CFAP47: variants seen among roughly 807,000 people sequenced by gnomAD.
The protein encoded by CFAP47 is cilia- and flagella-associated protein 47.
A neutral mutation model predicts 148.1 loss-of-function variants in CFAP47; 29 were observed. The observed-to-expected ratio is 0.20, with a 90% confidence interval of 0.15 to 0.27. The LOEUF (loss-of-function observed/expected upper bound fraction) is 0.27. Ranked by LOEUF, CFAP47 falls within the 10% of genes least tolerant of loss-of-function variation. The pLI, the probability that CFAP47 is intolerant of heterozygous loss-of-function variation, is 1.00. For missense variants in CFAP47, 1,872 were observed against 1,697.5 expected, an observed-to-expected ratio of 1.10 and a Z score of -1.81; for synonymous variants, 664 against 577.3, an observed-to-expected ratio of 1.15 and a Z score of -2.15.
At chrX:36,156,572 T>G (rs970141164) in intron 37 of CFAP47, among the ~76,000 whole-genome samples, 1 of 110,932 alleles carries the variant, frequency 9.0e-6, no homozygotes, top group Admixed American at 9.7e-5. Flanking sequence ...ATTCTCCATC[T>G]ATTCCAAAGG....
chrX:36,319,437 A>C (rs1274903978), intron 57 of CFAP47, 130 bp downstream of exon 57: 11 of 223,446 alleles, frequency 4.9e-5, no homozygotes, highest in Non-Finnish European at 8.7e-5. Context: ...TTTTGGAACA[A>C]ATTTTAGTAA....
At chrX:35,925,985 T>C in intron 1 of CFAP47, 32 bp from the exon 2 acceptor site, 1 of 1,148,798 alleles carries the variant, frequency 8.7e-7, no homozygotes. Context: ...GGAGTTAAAA[T>C]GTATAATTTG....
chrX:36,302,473 A>G (rs1941306851), intron 53 of CFAP47, among the ~76,000 whole-genome samples: 1 of 111,930 alleles, frequency 8.9e-6, no homozygotes, highest in South Asian at 3.7e-4. Context: ...GTGAAAAACA[A>G]TATATGTATG....
chrX:36,185,319 C>T (rs1318265204), intron 40 of CFAP47, among the ~76,000 whole-genome samples: 1 of 110,196 alleles, frequency 9.1e-6, no homozygotes, highest in Non-Finnish European at 1.9e-5. Context: ...GAGAGGTCTT[C>T]ACCTCTCAAA....
chrX:36,099,699 G>T, intron 31 of CFAP47, 52 bp from the exon 32 acceptor site: 1 of 536,468 alleles, frequency 1.9e-6, no homozygotes, highest in Non-Finnish European at 3.0e-6. Flanking sequence ...AAACTCATAT[G>T]CTAAATTTGC....
At chrX:36,100,801 T>C (rs1394718844) in intron 32 of CFAP47, among the ~76,000 whole-genome samples, 1 of 112,120 alleles carries the variant, frequency 8.9e-6, no homozygotes, top group Admixed American at 9.4e-5. Flanking sequence ...ATCATCAATT[T>C]AGCAATGAAG....
intron 59 of CFAP47, among the ~76,000 whole-genome samples, chrX:36,352,950 A>G (rs951134481): frequency 9.2e-6 from 1 of 108,710 alleles, no homozygotes; most frequent in African/African-American, 3.3e-5. Context: ...TAATTTTTAT[A>G]AACTTAAAAG....
chrX:35,920,541 C>T (rs187707574), intron 1 of CFAP47, among the ~76,000 whole-genome samples: 73 of 111,770 alleles, frequency 6.5e-4, no homozygotes, highest in African/African-American at 2.2e-3. Flanking sequence ...GGAATGGACA[C>T]AGCCCTGCCC....
At chrX:35,967,578 T>G (rs1258230622) in intron 9 of CFAP47, 41 bp from the exon 10 acceptor site, 2 of 1,022,159 alleles carry the variant, frequency 2.0e-6, no homozygotes, top group South Asian at 4.1e-5. Context: ...AAGTTGAAAT[T>G]AAAAATACCA....
chrX:36,297,959 TG>T (rs1411857159), intron 51 of CFAP47, among the ~76,000 whole-genome samples: 1 of 110,396 alleles, frequency 9.1e-6, no homozygotes, highest in African/African-American at 3.3e-5. Context: ...ACACTGTTGG[TG>T]GGACTGTAAA....
At chrX:35,929,736 C>T (rs779775897) in intron 2 of CFAP47, among the ~76,000 whole-genome samples, 18 of 111,125 alleles carry the variant, frequency 1.6e-4, no homozygotes, top group South Asian at 3.8e-4. Context: ...TGGTGGCTCA[C>T]GCTTGTAATC....
At chrX:35,967,245 A>T (rs770985365) in intron 9 of CFAP47, among the ~76,000 whole-genome samples, 1 of 110,631 alleles carries the variant, frequency 9.0e-6, no homozygotes, top group South Asian at 3.8e-4. Context: ...AAACTTTTTG[A>T]CTATTCTATG....
At chrX:36,132,357 G>T (rs1007677738) in intron 33 of CFAP47, among the ~76,000 whole-genome samples, 1 of 111,780 alleles carries the variant, frequency 8.9e-6, no homozygotes, top group African/African-American at 3.2e-5. Flanking sequence ...TCCAAAAAAA[G>T]ACAACCATTG....
intron 21 of CFAP47, among the ~76,000 whole-genome samples, chrX:36,010,460 T>C (rs996556492): frequency 1.9e-5 from 2 of 106,674 alleles, no homozygotes; most frequent in African/African-American, 7.0e-5. Context: ...TAAAGTTTTG[T>C]CGTTTTTTTT....
intron 47 of CFAP47, among the ~76,000 whole-genome samples, chrX:36,236,378 C>T (rs1211310291): frequency 1.8e-5 from 2 of 111,754 alleles, no homozygotes; most frequent in African/African-American, 6.5e-5. Flanking sequence ...ATTGGTGTAT[C>T]AGAAAATACT....
intron 49 of CFAP47, among the ~76,000 whole-genome samples, chrX:36,276,493 G>A (rs1021500408): frequency 9.0e-6 from 1 of 111,729 alleles, no homozygotes; most frequent in Non-Finnish European, 1.9e-5. Flanking sequence ...TTAAATTTTA[G>A]TATGTGTTAT....
intron 21 of CFAP47, among the ~76,000 whole-genome samples, chrX:36,002,723 A>G (rs1329121526): frequency 5.4e-5 from 6 of 111,758 alleles, no homozygotes. Flanking sequence ...CAACATAACT[A>G]AATTGATTCT....
chrX:36,272,268 G>A (rs1281987429), intron 49 of CFAP47, among the ~76,000 whole-genome samples: 1 of 112,084 alleles, frequency 8.9e-6, no homozygotes, highest in Non-Finnish European at 1.9e-5. Context: ...TAAAGCAAGA[G>A]GTAGAAGTGC....
At chrX:36,015,603 G>A (rs930727404) in intron 22 of CFAP47, among the ~76,000 whole-genome samples, 2 of 111,290 alleles carry the variant, frequency 1.8e-5, no homozygotes, top group African/African-American at 3.2e-5. Flanking sequence ...GAGGTCTCAC[G>A]AAAATAGCAT....
Sources: allele counts gnomAD v4.1 joint callset (sites outside exome capture counted in the v4.1 genomes callset), GRCh38; gene constraint gnomAD v4.1.1; transcripts MANE v1.5; gene names NCBI Gene and HGNC (gene_info 2026-07-23, HGNC 2026-07-21).